The following MROH7 variants were observed in gnomAD, a reference collection of about 807,000 sequenced individuals.
The protein encoded by MROH7 is maestro heat-like repeat-containing protein family member 7.
Under a neutral mutation model 129.2 loss-of-function variants are expected in MROH7, and 113 were observed. The observed-to-expected ratio is 0.87, with a 90% CI of 0.75 to 1.02. The LOEUF (loss-of-function observed/expected upper bound fraction) is 1.02. Ranked by LOEUF, MROH7 falls within the 50% of genes least tolerant of loss-of-function variation. MROH7 has a pLI of 0.00. For missense variants in MROH7, 1,601 were observed against 1,671.3 expected, an observed-to-expected ratio of 0.96 and a Z score of 0.73; for synonymous variants, 655 against 667.9, an observed-to-expected ratio of 0.98 and a Z score of 0.30.
In MROH7 at chr1:54,670,894, CAGG is replaced by C; in HGVS notation, c.1567_1569del (p.Glu523del). On this transcript the variant is annotated inframe_deletion, in exon 7 of 24. Coordinates refer to ENST00000421030, the MANE Select transcript of MROH7 (RefSeq NM_001039464.4). ...CTCCCTGCCCTCCGTGCAGGCGATG[CAGG>C]AGAAGGACGAGGCCAAGGCTGAGAC... 1.2e-6 allele frequency: 2 copies of C among 1,611,144 alleles called. No individual in the cohort carries two copies. The highest frequency in any genetic ancestry group is 1.7e-4 in the Middle Eastern group (1 of 6,058).
chr1:54,659,399 C>G (rs1644697898), intron 3 of MROH7, among the ~76,000 whole-genome samples: 1 of 150,788 alleles, frequency 6.6e-6, no homozygotes, highest in Non-Finnish European at 1.5e-5. Context: ...TCTCCTGCCT[C>G]AGCCTCCTGA....
chr1:54,667,781 A>AAG (rs1460388194), intron 4 of MROH7, among the ~76,000 whole-genome samples: 50 of 151,822 alleles, frequency 3.3e-4, no homozygotes, highest in African/African-American at 1.2e-3. Context: ...GTAAAAAAAA[A>AAG]AAAAATCAGC....
Position 54,645,655 on chromosome 1 carries a change from C to CTTT in MROH7, c.-110+3700_-110+3702dup, listed in dbSNP as rs60788847. ...TTTCTTTTCTTTTCTTTCTTTCTTTCTTTTTTTTTTTTTTTGAGACAAACT... is the reference window on the plus strand; with the variant it reads ...TTTCTTTTCTTTTCTTTCTTTCTTTCTTTTTTTTTTTTTTTTTTGAGACAAACT... On this transcript the variant is annotated intron_variant, in intron 1 of 23. Transcript: ENST00000421030. Among the ~76,000 whole-genome samples, 206 of 124,228 alleles carry CTTT rather than the reference C, an allele frequency of 1.7e-3. 2 individuals are homozygous for CTTT. The highest frequency in any genetic ancestry group is 5.4e-3 in the South Asian group (20 of 3,692). 81.5% of individuals were successfully genotyped at this position (124,228 alleles called of 152,430 possible).
chr1:54,667,913 G>A (rs764477469), intron 4 of MROH7, among the ~76,000 whole-genome samples: 7 of 152,214 alleles, frequency 4.6e-5, no homozygotes, highest in Admixed American at 2.6e-4. Flanking sequence ...CTGCATCACT[G>A]CATTCCAGCC....
chr1:54,704,238 C>G (rs1367359569), intron 21 of MROH7, among the ~76,000 whole-genome samples: 2 of 152,058 alleles, frequency 1.3e-5, no homozygotes, highest in African/African-American at 4.8e-5. Context: ...AGTGCTTGGC[C>G]AGGGTCACTA....
intron 17 of MROH7, chr1:54,699,164 TTTCTTTC>T (rs1645385986): frequency 3.9e-5 from 4 of 103,822 alleles, no homozygotes; most frequent in Admixed American, 9.2e-5. Context: ...CTTTCTTTTC[TTTCTTTC>T]TTTCTTTCTT....
chr1:54,676,858 A>T (rs1350455216), intron 10 of MROH7, among the ~76,000 whole-genome samples: 1 of 151,668 alleles, frequency 6.6e-6, no homozygotes, highest in Non-Finnish European at 1.5e-5. Context: ...ACAGGCATGC[A>T]CTACCGTGCC....
intron 3 of MROH7, among the ~76,000 whole-genome samples, chr1:54,660,861 T>C (rs1239551897): frequency 6.6e-5 from 10 of 152,070 alleles, no homozygotes; most frequent in Non-Finnish European, 1.0e-4. Context: ...TAAAAAATCA[T>C]AGTCATTCTA....
chr1:54,692,331 TCGGGCCAGATG>T, intron 15 of MROH7, 82 bp from the exon 16 acceptor site: 1 of 1,515,304 alleles, frequency 6.6e-7, no homozygotes, highest in South Asian at 1.3e-5. Flanking sequence ...GAGAAGTTTG[TCGGGCCAGATG>T]GCAGGAGAGG....
intron 2 of MROH7, 121 bp from the exon 3 acceptor site, chr1:54,652,732 G>C (rs2101065333): frequency 1.6e-6 from 1 of 639,056 alleles, no homozygotes; most frequent in Non-Finnish European, 2.5e-6. Context: ...AAGGTGGGCT[G>C]GGCACAGTCA....
chr1:54,676,736 T>C (rs1183148486), intron 10 of MROH7, among the ~76,000 whole-genome samples: 1 of 146,746 alleles, frequency 6.8e-6, no homozygotes, highest in East Asian at 2.0e-4. Context: ...TTTTCTGGAG[T>C]CTTGCTTTGT....
In MROH7 at chr1:54,679,422, C is replaced by T. The variant is rs769510476; in HGVS notation, c.2209C>T (p.His737Tyr). Residue 737 changes from histidine to tyrosine, a missense_variant, in exon 12 of 24, where the codon CAC becomes TAC. Physicochemically the swap from His to Tyr is moderately conservative, Grantham distance 83. Coordinates refer to ENST00000421030, the MANE Select transcript of MROH7 (RefSeq NM_001039464.4). ...MLSSVLEWYR[H>Y]RALEVIPEIM... ...CAGCTCGGTGCTGGAGTGGTACCGC[C>T]ACAGGGCGCTGGAGGTGGTAAGGCC... The T allele has an allele frequency of 2.5e-6, 4 of 1,613,486 alleles. No homozygotes were observed. The highest frequency in any genetic ancestry group is 2.2e-5 in the East Asian group (1 of 44,870).
chr1:54,671,294 G>A (rs530479826), intron 7 of MROH7, among the ~76,000 whole-genome samples: 1 of 152,316 alleles, frequency 6.6e-6, no homozygotes, highest in African/African-American at 2.4e-5. Context: ...CAGCAACTCA[G>A]GAGGCTGAGG....
chr1:54,660,259 A>G (rs1420995877), intron 3 of MROH7, among the ~76,000 whole-genome samples: 2 of 152,204 alleles, frequency 1.3e-5, no homozygotes, highest in East Asian at 1.9e-4. Flanking sequence ...GTGGAAGGAC[A>G]AAAAGGGGCT....
At position 54,703,999 on chromosome 1, in the gene MROH7, G is replaced by C. The variant is rs907132765; in HGVS notation, c.3564+1254G>C. Among the ~76,000 whole-genome samples, 186 of 152,248 alleles carry C rather than the reference G, an allele frequency of 1.2e-3. No individual in the cohort carries two copies. The highest frequency in any genetic ancestry group is 4.1e-3 in the African/African-American group (169 of 41,550). ...TTGGGCCAGGCAGTTCTCAGCCCAG[G>C]CAATGCCCAGAGTTGGGGGAATTAA... On this transcript the variant is annotated intron_variant, in intron 21 of 23. Transcript: ENST00000421030. The surrounding 1 kb of genome is among the most constrained non-coding windows in gnomAD (Gnocchi z 4.4).
chr1:54,654,647 TG>T (rs1338892431), intron 3 of MROH7, among the ~76,000 whole-genome samples: 2 of 151,576 alleles, frequency 1.3e-5, no homozygotes, highest in African/African-American at 4.9e-5. Flanking sequence ...CACTCCAGCC[TG>T]GGCAACAAGA....
intron 15 of MROH7, among the ~76,000 whole-genome samples, chr1:54,690,913 C>T (rs1244065958): frequency 6.6e-6 from 1 of 152,118 alleles, no homozygotes; most frequent in African/African-American, 2.4e-5. Flanking sequence ...AAAATGATGA[C>T]CCTGGAGATA....
At position 54,678,840 on chromosome 1, in the gene MROH7, C is replaced by T. The variant is rs1645022434; in HGVS notation, c.2035C>T (p.Leu679=). The stretch of plus-strand genomic sequence containing the variant: ...CCCTGTGAGCCCGTGCCAGAACATT[C>T]TGCGGGTGATCGAGGTGACTGCCTG... The part of the protein sequence containing the change: ...YNPVSPCQNI[L]RVIEEFGDFL... Residue 679 remains leucine (L), a synonymous_variant, in exon 11 of 24, where the codon CTG becomes TTG. Transcript: ENST00000421030. 6.2e-7 allele frequency: 1 copy of T among 1,613,962 alleles called. No homozygotes were observed. Among genetic ancestry groups the T allele is most frequent in the Admixed American group, 1.7e-5 (1 of 60,014 alleles).
intron 8 of MROH7, among the ~76,000 whole-genome samples, 195 bp from the exon 9 acceptor site, chr1:54,673,506 T>C (rs1644934581): frequency 6.6e-6 from 1 of 152,156 alleles, no homozygotes; most frequent in South Asian, 2.1e-4. Context: ...CTCATTGACT[T>C]CCTTCTTCCC....
Sources: gnomAD v4.1 joint callset for allele counts (sites outside exome capture counted in the v4.1 genomes callset) on GRCh38, gnomAD v4.1.1 for gene constraint, Gnocchi (gnomAD v3.1) non-coding constraint, MANE v1.5 for transcripts, NCBI Gene and HGNC (gene_info 2026-07-23, HGNC 2026-07-21) for gene names.